Variants in PIK3R1 observed in about 807,000 individuals in gnomAD.
The protein encoded by PIK3R1 is phosphatidylinositol 3-kinase regulatory subunit alpha.
In PIK3R1, 29 loss-of-function variants were observed where a neutral mutation model predicts 98.0. That is an observed-to-expected ratio of 0.30 (90% CI 0.22 to 0.40). The LOEUF (loss-of-function observed/expected upper bound fraction) is 0.40, where lower values mean the gene tolerates loss of function less well. PIK3R1 is among the 10% of genes least tolerant of loss of function. The pLI is 1.00. For synonymous variants in PIK3R1, 282 were observed against 311.8 expected (o/e 0.90, Z 1.01); for missense variants, 596 against 872.7 (o/e 0.68, Z 3.99).
At chr5:68,245,063 T>C (rs1745031077) in intron 2 of PIK3R1, among the ~76,000 whole-genome samples, 1 of 152,222 alleles carries the variant, frequency 6.6e-6, no homozygotes, top group South Asian at 2.1e-4. Flanking sequence ...GAGACTCAGC[T>C]GGCTGACTTC....
intron 6 of PIK3R1, 40 bp from the exon 7 acceptor site, chr5:68,280,887 T>C: frequency 1.4e-6 from 2 of 1,441,560 alleles, no homozygotes. Flanking sequence ...ATGAGTTTGC[T>C]TTTAGGGAAA....
intron 2 of PIK3R1, among the ~76,000 whole-genome samples, chr5:68,234,998 T>C (rs1744611925): frequency 6.6e-6 from 1 of 152,226 alleles, no homozygotes; most frequent in Non-Finnish European, 1.5e-5. Flanking sequence ...TTTTCAGAAC[T>C]ACTCAAGGGT....
rs763393624 is a variant in PIK3R1, at chr5:68,288,498, C to CCCA, written c.917-3761_917-3760insCCA. On this transcript the variant is annotated intron_variant, in intron 7 of 15. Coordinates refer to ENST00000521381, the MANE Select transcript of PIK3R1 (RefSeq NM_181523.3). The stretch of plus-strand genomic sequence containing the variant: ...GGCCCGGACGCACTGCCGGGCGGGG[C>CCCA]GTGGGGCGGAGGGACGAGCCGAGCC... 1,824 of 1,314,498 alleles carry CCCA rather than the reference C, an allele frequency of 1.4e-3. 5 individuals carry two copies. Among genetic ancestry groups the CCCA allele is most frequent in the Non-Finnish European group, 1.7e-3 (1,767 of 1,038,442 alleles). 81.4% of individuals were successfully genotyped at this position (1,314,498 alleles called of 1,614,324 possible).
chr5:68,227,475 C>T (rs867234309), intron 2 of PIK3R1, among the ~76,000 whole-genome samples: 4 of 152,178 alleles, frequency 2.6e-5, no homozygotes, highest in Middle Eastern at 3.2e-3. Flanking sequence ...TCCAGAACAA[C>T]ATGAAATCTA....
chr5:68,277,310 G>A (rs986382331), intron 4 of PIK3R1, among the ~76,000 whole-genome samples: 5 of 152,080 alleles, frequency 3.3e-5, no homozygotes, highest in African/African-American at 7.2e-5. Context: ...TACCTTCAAC[G>A]TAGATCCTTT....
At chr5:68,264,432 C>G (rs1007376446) in intron 2 of PIK3R1, among the ~76,000 whole-genome samples, 3 of 152,182 alleles carry the variant, frequency 2.0e-5, no homozygotes, top group Non-Finnish European at 4.4e-5. Context: ...CTGTAAAATC[C>G]TAGCTTTATT....
At chr5:68,278,649 C>T (rs773150386) in intron 4 of PIK3R1, among the ~76,000 whole-genome samples, 7 of 152,104 alleles carry the variant, frequency 4.6e-5, no homozygotes, top group Non-Finnish European at 1.0e-4. Flanking sequence ...TGGCTTAAAA[C>T]GCAGAAACTT....
At position 68,237,083 on chromosome 5, in the gene PIK3R1, T is replaced by C. The variant is rs546389094; in HGVS notation, c.334+10074T>C. 6.6e-5 allele frequency among the ~76,000 whole-genome samples: 10 copies of C among 151,980 alleles called. No individual in the cohort carries two copies. In the South Asian group the frequency reaches 1.2e-3, roughly 19 times the overall value. On this transcript the variant is annotated intron_variant, in intron 2 of 15. Transcript: ENST00000521381. ...ATGTTTCCCTGAGTTTCAAGTTTTC[T>C]TATTTCAGACTCATAATTATATCAT...
Position 68,296,453 on chromosome 5 carries a change from G to A in PIK3R1, c.1985+112G>A, listed in dbSNP as rs895304. ...TTGACATAGTTTTAGTCTTGAATAA[G>A]CTTACAGTACAATAATGTAGAAGAG... On this transcript the variant is annotated intron_variant, in intron 15 of 15. Transcript: ENST00000521381. The A allele has an allele frequency of 0.2, 198,395 of 990,694 alleles. 22,577 individuals carry two copies. The highest frequency in any genetic ancestry group is 0.41 in the African/African-American group (25,524 of 61,884). 61.4% of individuals were successfully genotyped at this position (990,694 alleles called of 1,614,324 possible).
At chr5:68,267,673 G>A (rs569470152) in intron 2 of PIK3R1, among the ~76,000 whole-genome samples, 4 of 149,778 alleles carry the variant, frequency 2.7e-5, no homozygotes, top group South Asian at 4.2e-4. Flanking sequence ...CTCTTGTTTC[G>A]GCCACACTCA....
At chr5:68,248,904 C>A (rs1408250655) in intron 2 of PIK3R1, among the ~76,000 whole-genome samples, 2 of 151,894 alleles carry the variant, frequency 1.3e-5, no homozygotes, top group Non-Finnish European at 2.9e-5. Flanking sequence ...CATAATAAAC[C>A]AAGAGATATT....
Position 68,280,568 on chromosome 5 carries a change from G to A in PIK3R1, c.675G>A (p.Lys225=), listed in dbSNP as rs2112194894. 1.9e-6 allele frequency: 3 copies of A among 1,612,258 alleles called. No individual in the cohort carries two copies. Among genetic ancestry groups the A allele is most frequent in the Non-Finnish European group, 2.5e-6 (3 of 1,178,912 alleles). ...AAGAATATATTCAGCTATTGAAGAA[G>A]CTTATTAGGTCGCCTAGCATACCTC... The part of the protein sequence containing the change: ...SSEEYIQLLK[K]LIRSPSIPHQ... The change falls in exon 6 of 16, where the codon AAG becomes AAA. Residue 225 remains lysine (K), a synonymous_variant. Transcript: ENST00000521381.
At chr5:68,220,554 C>T (rs1488024708) in intron 1 of PIK3R1, among the ~76,000 whole-genome samples, 2 of 152,202 alleles carry the variant, frequency 1.3e-5, no homozygotes, top group African/African-American at 4.8e-5. Flanking sequence ...CAGTACCTTC[C>T]CCTCATGTTG....
rs1002628209 is a variant in PIK3R1, at chr5:68,280,868, TAAATGA to T, written c.837-52_837-47del. ...TCACACACATTCACTTGAGTGTATA[TAAATGA>T]AAATGAGTTTGCTTTTAGGGAAAAG... On this transcript the variant is annotated intron_variant, in intron 6 of 15. Transcript: ENST00000521381. The T allele has an allele frequency of 3.9e-6, 5 of 1,296,276 alleles. No individual in the cohort carries two copies. The Admixed American group carries it at 7.6e-5, about 20-fold the overall frequency. The allele number at this position is 1,296,276 out of a possible 1,614,324, so 80.3% of individuals were successfully genotyped here.
rs371126756 is a variant in PIK3R1 at position 68,292,371 on chromosome 5, C to T, written c.1019+10C>T. ...GGGGAGATATCTCGAGGTAAGGCTA[C>T]AGAAACTTCATTTTCAGAGAGTTTT... On this transcript the variant is annotated intron_variant, in intron 8 of 15. Transcript: ENST00000521381. 5.1e-6 allele frequency: 8 copies of T among 1,580,624 alleles called. No homozygotes were observed. The African/African-American group carries it at 6.8e-5, about 13-fold the overall frequency.
In PIK3R1 at chr5:68,246,905, GAA is replaced by G. The variant is rs11291585; in HGVS notation, c.334+19906_334+19907del. On this transcript the variant is annotated intron_variant, in intron 2 of 15. Coordinates refer to ENST00000521381, the MANE Select transcript of PIK3R1 (RefSeq NM_181523.3). ...ACTGTCAAATAGCTCATTAGTAAGAGAAAAAAAAAAATGCTGAGCCTTAAGAG... is the reference window on the plus strand; with the variant it reads ...ACTGTCAAATAGCTCATTAGTAAGAGAAAAAAAAATGCTGAGCCTTAAGAG... Among the ~76,000 whole-genome samples the G allele has an allele frequency of 3.0e-3, 455 of 151,554 alleles. 2 individuals are homozygous for G. Among genetic ancestry groups the G allele is most frequent in the Middle Eastern group, 0.01 (3 of 292 alleles).
intron 2 of PIK3R1, among the ~76,000 whole-genome samples, chr5:68,241,336 T>C (rs1226215027): frequency 6.6e-6 from 1 of 151,878 alleles, no homozygotes; most frequent in East Asian, 1.9e-4. Context: ...TGTAGTTGAA[T>C]AATTACCTGC....
At chr5:68,288,586 C>T (rs1484964115) in intron 7 of PIK3R1, 3 of 1,534,020 alleles carry the variant, frequency 2.0e-6, no homozygotes, top group South Asian at 2.5e-5. Context: ...CCCGCTCCTG[C>T]GCGCACTCTC....
At chr5:68,267,537 C>T (rs1046150924) in intron 2 of PIK3R1, among the ~76,000 whole-genome samples, 5 of 152,088 alleles carry the variant, frequency 3.3e-5, no homozygotes, top group African/African-American at 1.2e-4. Context: ...TCTTTTAATT[C>T]CCTCCTGCTA....
Sources: allele counts gnomAD v4.1 joint callset (sites outside exome capture counted in the v4.1 genomes callset), GRCh38; gene constraint gnomAD v4.1.1; transcripts MANE v1.5; gene names NCBI Gene and HGNC (gene_info 2026-07-23, HGNC 2026-07-21).